Variants in NOS1AP observed in about 807,000 individuals in gnomAD.
NOS1AP encodes the protein nitric oxide synthase 1 adaptor protein.
Under a neutral mutation model 56.2 loss-of-function variants are expected in NOS1AP, and 21 were observed. The observed-to-expected ratio is 0.37, with a 90% CI of 0.26 to 0.54. The LOEUF (loss-of-function observed/expected upper bound fraction) is 0.54. NOS1AP is among the 20% of genes least tolerant of loss of function. The pLI is 0.84. For synonymous variants in NOS1AP, 270 were observed against 274.6 expected (o/e 0.98, Z 0.17); for missense variants, 522 against 657.8 (o/e 0.79, Z 2.26).
At chr1:162,305,133 T>C (rs1168233521) in intron 4 of NOS1AP, among the ~76,000 whole-genome samples, 1 of 152,138 alleles carries the variant, frequency 6.6e-6, no homozygotes, top group Non-Finnish European at 1.5e-5. Context: ...TGTGGTGAAA[T>C]AAATATATAT....
chr1:162,121,073 C>A (rs1648195823), intron 1 of NOS1AP, among the ~76,000 whole-genome samples: 1 of 145,948 alleles, frequency 6.9e-6, no homozygotes, highest in African/African-American at 2.6e-5. Flanking sequence ...AAGAACTTGG[C>A]ACACTAGGAT....
At chr1:162,187,409 A>G (rs892917016) in intron 2 of NOS1AP, among the ~76,000 whole-genome samples, 1 of 152,172 alleles carries the variant, frequency 6.6e-6, no homozygotes, top group Non-Finnish European at 1.5e-5. Flanking sequence ...ATTTAACCAG[A>G]TCCCATTTTT....
intron 2 of NOS1AP, among the ~76,000 whole-genome samples, chr1:162,178,474 G>A (rs559942068): frequency 6.6e-6 from 1 of 152,290 alleles, no homozygotes; most frequent in South Asian, 2.1e-4. Context: ...CATGGTGCTA[G>A]TTGCTAATAT....
At chr1:162,113,311 C>G (rs891628824) in intron 1 of NOS1AP, among the ~76,000 whole-genome samples, 1 of 152,112 alleles carries the variant, frequency 6.6e-6, no homozygotes, top group African/African-American at 2.4e-5. Flanking sequence ...GTTGTTAGGA[C>G]GTCCACACCT....
At chr1:162,344,507 C>T (rs972645841) in intron 6 of NOS1AP, among the ~76,000 whole-genome samples, 4 of 151,782 alleles carry the variant, frequency 2.6e-5, no homozygotes, top group African/African-American at 9.7e-5. Context: ...ACTAGCCTGG[C>T]CAACATGGCA....
chr1:162,115,279 A>C (rs2102044803), intron 1 of NOS1AP, among the ~76,000 whole-genome samples: 1 of 152,366 alleles, frequency 6.6e-6, no homozygotes, highest in East Asian at 1.9e-4. Context: ...GTATAAGGGA[A>C]AATAAAACAG....
intron 2 of NOS1AP, among the ~76,000 whole-genome samples, chr1:162,265,219 G>A (rs536380993): frequency 4.5e-5 from 6 of 131,988 alleles, no homozygotes; most frequent in Admixed American, 2.2e-4. Context: ...TTAAAGGGTC[G>A]TTTTCTTTTT....
intron 1 of NOS1AP, among the ~76,000 whole-genome samples, chr1:162,098,035 A>G (rs1692288021): frequency 6.9e-6 from 1 of 144,438 alleles, no homozygotes; most frequent in Admixed American, 6.8e-5. Context: ...TTATCTCTTC[A>G]TTTATTTAGG....
chr1:162,285,148 GGT>G (rs1655049673), intron 2 of NOS1AP, among the ~76,000 whole-genome samples: 1 of 152,084 alleles, frequency 6.6e-6, no homozygotes, highest in Non-Finnish European at 1.5e-5. Context: ...CCCTCTTCTG[GGT>G]GTTTCTGGGA....
intron 2 of NOS1AP, among the ~76,000 whole-genome samples, chr1:162,168,797 A>G (rs565269076): frequency 3.3e-5 from 5 of 152,276 alleles, no homozygotes; most frequent in Non-Finnish European, 4.4e-5. Context: ...AGAGGCTTCA[A>G]GCCTCAAAAA....
intron 2 of NOS1AP, among the ~76,000 whole-genome samples, chr1:162,232,698 A>G (rs10918936): frequency 0.5 from 75,860 of 151,958 alleles, 19,775 homozygotes; most frequent in Non-Finnish European, 0.59. Flanking sequence ...GGGTGAAAGT[A>G]CATGAGACCA....
In NOS1AP at chr1:162,367,621, C is replaced by G; in HGVS notation, c.*154C>G. 1.2e-6 allele frequency: 1 copy of G among 856,790 alleles called. No individual in the cohort carries two copies. The highest frequency in any genetic ancestry group is 2.7e-5 in the East Asian group (1 of 37,218). 53.1% of individuals were successfully genotyped at this position (856,790 alleles called of 1,614,324 possible). A position where few individuals can be genotyped will look rare whatever the true frequency, so the allele number is the denominator to read the frequency against. On this transcript the variant is annotated 3_prime_UTR_variant, in exon 10 of 10. Coordinates refer to ENST00000361897, the MANE Select transcript of NOS1AP (RefSeq NM_014697.3). The surrounding 1 kb of genome is among the most constrained non-coding windows in gnomAD (Gnocchi z 6.5). ...GAGGTTTCAGGAAAGTATTGAGATT[C>G]TGCTTTGGAGGGTAAAGTGGGGAAG...
At chr1:162,341,124 C>T (rs80095854) in intron 5 of NOS1AP, among the ~76,000 whole-genome samples, 6,699 of 152,222 alleles carry the variant, frequency 0.044, 222 homozygotes, top group Middle Eastern at 0.071. Context: ...TTTAGAAATT[C>T]GATTCCTACC....
intron 2 of NOS1AP, among the ~76,000 whole-genome samples, chr1:162,264,490 C>T (rs1557855426): frequency 3.1e-3 from 255 of 81,246 alleles, no homozygotes; most frequent in East Asian, 7.5e-3. Context: ...CCTCCCCTCT[C>T]CTCCTCTCCT....
chr1:162,324,718 T>C (rs577144511), intron 4 of NOS1AP, among the ~76,000 whole-genome samples: 87 of 152,334 alleles, frequency 5.7e-4, no homozygotes, highest in Admixed American at 4.0e-3. Flanking sequence ...TTCGTTACTC[T>C]AGGCACACAG....
chr1:162,223,754 C>A (rs781317372), intron 2 of NOS1AP, among the ~76,000 whole-genome samples: 1 of 152,122 alleles, frequency 6.6e-6, no homozygotes, highest in Non-Finnish European at 1.5e-5. Context: ...TCAAAGCATG[C>A]GCCTTGCAGT....
intron 5 of NOS1AP, among the ~76,000 whole-genome samples, chr1:162,334,928 C>T (rs1441448847): frequency 6.6e-6 from 1 of 152,118 alleles, no homozygotes. Flanking sequence ...GAATTTTGAG[C>T]AGGAAACCTA....
chr1:162,241,101 C>A (rs1653476824), intron 2 of NOS1AP, among the ~76,000 whole-genome samples: 1 of 152,084 alleles, frequency 6.6e-6, no homozygotes, highest in South Asian at 2.1e-4. Flanking sequence ...CCAGCAGTGA[C>A]CCTGATTGGA....
intron 2 of NOS1AP, among the ~76,000 whole-genome samples, chr1:162,166,171 G>A (rs545763688): frequency 1.3e-5 from 2 of 152,240 alleles, no homozygotes; most frequent in Admixed American, 6.5e-5. Flanking sequence ...GACAGCTGCC[G>A]CAGTGCCCTC....
Sources: allele counts gnomAD v4.1 joint callset (sites outside exome capture counted in the v4.1 genomes callset), GRCh38; gene constraint gnomAD v4.1.1; non-coding constraint Gnocchi (gnomAD v3.1); transcripts MANE v1.5; gene names NCBI Gene and HGNC (gene_info 2026-07-23, HGNC 2026-07-21).